Variants in ATG7 observed in about 807,000 individuals in gnomAD.
ATG7 encodes autophagy related 7.
ATG7 carries 70 observed loss-of-function variants against 82.4 expected under a neutral mutation model. The observed-to-expected ratio is 0.85, with a 90% CI of 0.70 to 1.04. The LOEUF is 1.04. Ranked by LOEUF, ATG7 falls within the 50% of genes least tolerant of loss-of-function variation. The pLI is 0.00. For missense variants in ATG7, 792 were observed against 864.3 expected, an observed-to-expected ratio of 0.92 and a Z score of 1.05; for synonymous variants, 287 against 313.0, an observed-to-expected ratio of 0.92 and a Z score of 0.88.
At chr3:11,355,910 C>CT (rs1171265717) in intron 14 of ATG7, among the ~76,000 whole-genome samples, 1 of 152,078 alleles carries the variant, frequency 6.6e-6, no homozygotes, top group Non-Finnish European at 1.5e-5. Context: ...TCCATAGCAC[C>CT]TTTATTCAAA....
intron 19 of ATG7, among the ~76,000 whole-genome samples, chr3:11,400,011 A>G (rs1160126588): frequency 6.6e-6 from 1 of 152,244 alleles, no homozygotes; most frequent in Non-Finnish European, 1.5e-5. Flanking sequence ...GTTACTTCAC[A>G]ATGAAAAATG....
chr3:11,395,977 A>G (rs1286454737), intron 19 of ATG7, among the ~76,000 whole-genome samples: 165 of 130,768 alleles, frequency 1.3e-3, no homozygotes, highest in South Asian at 2.4e-3. Context: ...GTAGGGGGGG[A>G]AGAGTAAAAG....
intron 7 of ATG7, among the ~76,000 whole-genome samples, chr3:11,311,723 T>G (rs760104616): frequency 2.6e-5 from 4 of 152,034 alleles, no homozygotes; most frequent in Admixed American, 1.3e-4. Context: ...TCTGGAGGTG[T>G]TTTTGCTTTC....
rs139338040 is a variant in ATG7, at chr3:11,323,271, C to T, written c.678+7778C>T. ...CTACCAGTGTGAAGTCCTGGAATGC[C>T]GAATTGAAAAGAGACATTAACAGTT... On this transcript the variant is annotated intron_variant, in intron 9 of 20. Coordinates refer to ENST00000693202, the MANE Select transcript of ATG7 (RefSeq NM_001349232.2). Among the ~76,000 whole-genome samples the T allele has an allele frequency of 5.9e-5, 9 of 152,208 alleles. No individual in the cohort carries two copies. In the East Asian group the frequency reaches 1.7e-3, roughly 29 times the overall value.
At chr3:11,407,076 A>G (rs975488350) in intron 19 of ATG7, among the ~76,000 whole-genome samples, 3 of 152,254 alleles carry the variant, frequency 2.0e-5, no homozygotes. Flanking sequence ...CCTTCTGCCT[A>G]TGAGCCTATA....
At chr3:11,342,834 G>GT (rs1157600849) in intron 13 of ATG7, among the ~76,000 whole-genome samples, 2 of 150,054 alleles carry the variant, frequency 1.3e-5, no homozygotes, top group African/African-American at 4.9e-5. Context: ...ATATCCATAG[G>GT]ATTTTTTTTT....
intron 20 of ATG7, among the ~76,000 whole-genome samples, chr3:11,518,941 A>C (rs1238726994): frequency 1.3e-5 from 2 of 152,196 alleles, no homozygotes; most frequent in African/African-American, 4.8e-5. Context: ...ATTCTCTTGC[A>C]GCTCTGCAAT....
Position 11,342,151 on chromosome 3 carries a change from G to A in ATG7, c.997G>A (p.Val333Met). The A allele has an allele frequency of 6.2e-7, 1 of 1,612,650 alleles. No homozygotes were observed. The highest frequency in any genetic ancestry group is 8.5e-7 in the Non-Finnish European group (1 of 1,179,840). Residue 333 changes from valine to methionine, a missense_variant, in exon 13 of 21, where the codon GTG becomes ATG. Val to Met is a conservative substitution (Grantham distance 21, BLOSUM62 1). Transcript: ENST00000693202. ...CTTTTCTAGGTTAGCTGAGTCATCA[G>A]TGGATCTAAATCTCAAACTGATGTG... ...MDPKRLAESS[V>M]DLNLKLMCWR...
intron 20 of ATG7, among the ~76,000 whole-genome samples, chr3:11,493,733 A>G (rs948065546): frequency 1.3e-5 from 2 of 152,210 alleles, no homozygotes; most frequent in African/African-American, 4.8e-5. Flanking sequence ...AGTTTCCGTG[A>G]TACAGCCTAG....
intron 20 of ATG7, among the ~76,000 whole-genome samples, chr3:11,468,084 G>T (rs1211093445): frequency 2.0e-5 from 3 of 152,180 alleles, no homozygotes; most frequent in African/African-American, 7.2e-5. Context: ...ACATCAGAAG[G>T]TTGACAGGCA....
At chr3:11,274,646 G>A (rs1312908260) in intron 1 of ATG7, among the ~76,000 whole-genome samples, 1 of 152,132 alleles carries the variant, frequency 6.6e-6, no homozygotes, top group Non-Finnish European at 1.5e-5. Flanking sequence ...CCCGCACATA[G>A]ACTTTGGGAT....
intron 9 of ATG7, among the ~76,000 whole-genome samples, chr3:11,317,009 T>C (rs192335994): frequency 6.6e-6 from 1 of 152,224 alleles, no homozygotes; most frequent in East Asian, 1.9e-4. Flanking sequence ...CTCCCCTTTT[T>C]TGTTGTATTT....
chr3:11,292,608 A>G (rs767010454), intron 3 of ATG7, among the ~76,000 whole-genome samples: 1 of 127,526 alleles, frequency 7.8e-6, no homozygotes, highest in African/African-American at 3.0e-5. Context: ...CTTCCTCTAT[A>G]AAATTGGAGC....
At chr3:11,549,176 A>G (rs769680682) in intron 20 of ATG7, among the ~76,000 whole-genome samples, 2 of 152,154 alleles carry the variant, frequency 1.3e-5, no homozygotes, top group Non-Finnish European at 2.9e-5. Context: ...GTCACCACAG[A>G]TGGGTTTTTG....
intron 20 of ATG7, among the ~76,000 whole-genome samples, chr3:11,491,821 G>A (rs6442257): frequency 0.2 from 30,683 of 152,096 alleles, 3,551 homozygotes; most frequent in South Asian, 0.34. Context: ...CTGTCTGATC[G>A]TTCCTCTGGA....
At chr3:11,382,492 G>C (rs192060897) in intron 19 of ATG7, among the ~76,000 whole-genome samples, 1 of 152,198 alleles carries the variant, frequency 6.6e-6, no homozygotes, top group Non-Finnish European at 1.5e-5. Context: ...ATGGTGGGGA[G>C]AGGTGGGTGG....
chr3:11,561,249 G>A (rs2072971269), downstream of ATG7, among the ~76,000 whole-genome samples: 1 of 152,192 alleles, frequency 6.6e-6, no homozygotes, highest in Admixed American at 6.5e-5. Context: ...CACAGGGAGG[G>A]GGAATCAAGG....
At chr3:11,415,359 A>G (rs542757110) in intron 19 of ATG7, among the ~76,000 whole-genome samples, 5 of 152,298 alleles carry the variant, frequency 3.3e-5, no homozygotes, top group African/African-American at 1.2e-4. Context: ...AAACAACACT[A>G]AACTTAAAAA....
chr3:11,551,400 G>C (rs903273648), intron 20 of ATG7, among the ~76,000 whole-genome samples: 4 of 152,222 alleles, frequency 2.6e-5, no homozygotes, highest in African/African-American at 9.6e-5. Flanking sequence ...TGAGAAAGCT[G>C]ACATCTTTAT....
Sources: allele counts gnomAD v4.1 joint callset (sites outside exome capture counted in the v4.1 genomes callset), GRCh38; gene constraint gnomAD v4.1.1; transcripts MANE v1.5; gene names NCBI Gene and HGNC (gene_info 2026-07-23, HGNC 2026-07-21).